The following UBE2E2 variants were observed in gnomAD, a reference collection of about 807,000 sequenced individuals.
UBE2E2 encodes ubiquitin conjugating enzyme E2 E2.
Under a neutral mutation model 24.7 loss-of-function variants are expected in UBE2E2, and 6 were observed. The observed-to-expected ratio is 0.24, with a 90% CI of 0.13 to 0.48. UBE2E2 has a LOEUF of 0.48. Among genes scored for constraint, UBE2E2 ranks in the 20% least tolerant of loss-of-function variants. UBE2E2 has a pLI of 0.99. For missense variants in UBE2E2, 169 were observed against 245.0 expected (o/e 0.69, Z 2.07); for synonymous variants, 104 against 83.6 (o/e 1.24, Z -1.33).
rs76921336 is a variant in UBE2E2, at chr3:23,240,225, T to G, written c.227+22913T>G. ...TCCAGAGAATAAGGACAGTCCTTCC[T>G]TTCGCCCAATTTTACTTGTTTTTCT... is the stretch of plus-strand genomic sequence containing the variant. On this transcript the variant is annotated intron_variant, in intron 3 of 5. Coordinates refer to ENST00000396703, the MANE Select transcript of UBE2E2 (RefSeq NM_152653.4). 4.2e-3 allele frequency among the ~76,000 whole-genome samples: 636 copies of G among 152,336 alleles called. 30 individuals are homozygous for G. The East Asian group carries it at 0.083, about 20-fold the overall frequency.
intron 3 of UBE2E2, among the ~76,000 whole-genome samples, chr3:23,370,272 G>T (rs1040207177): frequency 6.6e-6 from 1 of 152,030 alleles, no homozygotes; most frequent in African/African-American, 2.4e-5. Flanking sequence ...CTTTAAGTTT[G>T]TTATTTTGAA....
At chr3:23,538,252 T>G (rs1464721112) in intron 5 of UBE2E2, among the ~76,000 whole-genome samples, 1 of 152,158 alleles carries the variant, frequency 6.6e-6, no homozygotes, top group Non-Finnish European at 1.5e-5. Context: ...TTCAGACTGT[T>G]TTCTTGTGAA....
At chr3:23,347,078 A>C (rs1362828315) in intron 3 of UBE2E2, among the ~76,000 whole-genome samples, 1 of 151,950 alleles carries the variant, frequency 6.6e-6, no homozygotes, top group African/African-American at 2.4e-5. Context: ...GCCCACCTCC[A>C]CTTTCTGCTG....
intron 2 of UBE2E2, among the ~76,000 whole-genome samples, chr3:23,210,696 T>C (rs1696299002): frequency 6.6e-6 from 1 of 152,178 alleles, no homozygotes; most frequent in Non-Finnish European, 1.5e-5. Context: ...CAGTGCCTGA[T>C]TGGCAGTAAA....
At chr3:23,585,477 C>T (rs116725208) in intron 5 of UBE2E2, among the ~76,000 whole-genome samples, 93 of 151,976 alleles carry the variant, frequency 6.1e-4, no homozygotes, top group African/African-American at 2.2e-3. Context: ...ATTCTGTTAA[C>T]CACACTGTAG....
chr3:23,274,672 A>T (rs185664595), intron 3 of UBE2E2, among the ~76,000 whole-genome samples: 2 of 152,208 alleles, frequency 1.3e-5, no homozygotes, highest in African/African-American at 4.8e-5. Context: ...CAGCCTAAGA[A>T]ACTGATTTTC....
chr3:23,511,674 G>C (rs2125465680), intron 4 of UBE2E2, among the ~76,000 whole-genome samples: 1 of 152,242 alleles, frequency 6.6e-6, no homozygotes, highest in East Asian at 1.9e-4. Context: ...AAAGAATGAT[G>C]ACTGAAAAAA....
At chr3:23,582,366 A>C (rs894365435) in intron 5 of UBE2E2, among the ~76,000 whole-genome samples, 5 of 152,190 alleles carry the variant, frequency 3.3e-5, no homozygotes, top group Admixed American at 3.3e-4. Context: ...GCCATGGTGA[A>C]CATACACATA....
At chr3:23,442,168 A>G (rs1698321732) in intron 3 of UBE2E2, among the ~76,000 whole-genome samples, 1 of 152,186 alleles carries the variant, frequency 6.6e-6, no homozygotes, top group East Asian at 1.9e-4. Context: ...TAGGATAAGG[A>G]ATATTAACTG....
intron 3 of UBE2E2, among the ~76,000 whole-genome samples, chr3:23,498,023 A>G (rs897679452): frequency 7.9e-5 from 12 of 152,050 alleles, no homozygotes; most frequent in African/African-American, 2.7e-4. Flanking sequence ...TTTCAGTTTC[A>G]TTTCCCCGAT....
In UBE2E2 at chr3:23,492,731, A is replaced by G. The variant is rs77105241; in HGVS notation, c.228-6877A>G. On this transcript the variant is annotated intron_variant, in intron 3 of 5. Transcript: ENST00000396703. Reference sequence around the variant, plus strand: ...AGCTTATGTTTTTTCAGCATTTGATATGTTCAAGCAAGGTTCTAAGCACTT... The same window carrying G: ...AGCTTATGTTTTTTCAGCATTTGATGTGTTCAAGCAAGGTTCTAAGCACTT... 2.3e-3 allele frequency among the ~76,000 whole-genome samples: 343 copies of G among 152,294 alleles called. 3 individuals are homozygous for G. The highest frequency in any genetic ancestry group is 7.9e-3 in the African/African-American group (327 of 41,576).
intron 3 of UBE2E2, among the ~76,000 whole-genome samples, chr3:23,348,701 G>A (rs1695635675): frequency 6.6e-6 from 1 of 152,166 alleles, no homozygotes; most frequent in Non-Finnish European, 1.5e-5. Flanking sequence ...TGGGCCCTGA[G>A]GAGGGAATAA....
intron 3 of UBE2E2, among the ~76,000 whole-genome samples, chr3:23,425,697 G>A (rs185828911): frequency 6.6e-6 from 1 of 152,112 alleles, no homozygotes; most frequent in Non-Finnish European, 1.5e-5. Flanking sequence ...ATACAAGCTT[G>A]AGAGTGAAAA....
At chr3:23,568,776 A>G (rs1458910653) in intron 5 of UBE2E2, among the ~76,000 whole-genome samples, 1 of 147,986 alleles carries the variant, frequency 6.8e-6, no homozygotes, top group African/African-American at 2.6e-5. Context: ...AAATACCTGG[A>G]TACCTGGTGG....
At chr3:23,472,723 A>G (rs1347763415) in intron 3 of UBE2E2, among the ~76,000 whole-genome samples, 1 of 150,544 alleles carries the variant, frequency 6.6e-6, no homozygotes, top group East Asian at 2.0e-4. Context: ...ATCACAGCTC[A>G]CTGCAGCCTC....
At chr3:23,417,876 TA>T (rs2125387941) in intron 3 of UBE2E2, among the ~76,000 whole-genome samples, 1 of 152,326 alleles carries the variant, frequency 6.6e-6, no homozygotes, top group Admixed American at 6.5e-5. Flanking sequence ...AACCACCTAC[TA>T]AAGCCTCAAT....
intron 3 of UBE2E2, among the ~76,000 whole-genome samples, chr3:23,471,565 T>C (rs17013320): frequency 6.6e-6 from 1 of 152,160 alleles, no homozygotes; most frequent in Non-Finnish European, 1.5e-5. Context: ...CTGAGATTGC[T>C]TGGGCGTTTT....
chr3:23,247,902 A>G (rs1697456726), intron 3 of UBE2E2, among the ~76,000 whole-genome samples: 1 of 152,214 alleles, frequency 6.6e-6, no homozygotes, highest in Non-Finnish European at 1.5e-5. Flanking sequence ...TGATTCAGAT[A>G]GCAACTCTAA....
chr3:23,519,409 T>G (rs1453208224), intron 4 of UBE2E2, among the ~76,000 whole-genome samples: 1 of 152,214 alleles, frequency 6.6e-6, no homozygotes, highest in East Asian at 1.9e-4. Flanking sequence ...TTTTTATTTT[T>G]CAAGTATGCT....
Sources: gnomAD v4.1 joint callset for allele counts (sites outside exome capture counted in the v4.1 genomes callset) on GRCh38, gnomAD v4.1.1 for gene constraint, MANE v1.5 for transcripts, NCBI Gene and HGNC (gene_info 2026-07-23, HGNC 2026-07-21) for gene names.